ITPK1: variants seen among roughly 807,000 people sequenced by gnomAD.
ITPK1 encodes the protein inositol 1,3,4-trisphosphate 5/6-kinase.
ITPK1 carries 21 observed loss-of-function variants against 45.3 expected under a neutral mutation model. The observed-to-expected ratio is 0.46, with a 90% CI of 0.33 to 0.67. The LOEUF (loss-of-function observed/expected upper bound fraction) is 0.67. Among genes scored for constraint, ITPK1 ranks in the 30% least tolerant of loss-of-function variants. ITPK1 has a pLI of 0.02. For missense variants in ITPK1, 474 were observed against 573.5 expected (o/e 0.83, Z 1.77); for synonymous variants, 258 against 253.6 (o/e 1.02, Z -0.16).
chr14:92,967,336 G>T (rs1268836799), intron 5 of ITPK1, among the ~76,000 whole-genome samples: 2 of 152,116 alleles, frequency 1.3e-5, no homozygotes, highest in African/African-American at 4.8e-5. Context: ...TAGCCATCGG[G>T]GAAATGCAAA....
intron 4 of ITPK1, among the ~76,000 whole-genome samples, chr14:92,996,590 A>G (rs1363154317): frequency 2.0e-5 from 3 of 151,864 alleles, no homozygotes; most frequent in Non-Finnish European, 4.4e-5. Flanking sequence ...AAAAAAAAAA[A>G]GGTCATCCAC....
intron 2 of ITPK1, among the ~76,000 whole-genome samples, chr14:93,080,823 G>A (rs535463441): frequency 1.1e-4 from 17 of 151,884 alleles, no homozygotes; most frequent in African/African-American, 4.1e-4. Context: ...TGCAACCTCC[G>A]CCTCCTGGGT....
chr14:93,088,341 G>GTTTGT (rs1891732521), intron 2 of ITPK1, among the ~76,000 whole-genome samples: 1 of 132,722 alleles, frequency 7.5e-6, no homozygotes, highest in African/African-American at 2.8e-5. Context: ...GTTTTGTTTT[G>GTTTGT]TTTTTTTTTT....
intron 2 of ITPK1, among the ~76,000 whole-genome samples, chr14:93,094,053 C>T (rs915650132): frequency 5.3e-5 from 8 of 152,220 alleles, no homozygotes; most frequent in African/African-American, 1.4e-4. Flanking sequence ...CCACCGCTCC[C>T]GGGAGAAGGG....
At chr14:93,091,775 T>C (rs1891875504) in intron 2 of ITPK1, among the ~76,000 whole-genome samples, 1 of 152,166 alleles carries the variant, frequency 6.6e-6, no homozygotes, top group Admixed American at 6.5e-5. Context: ...CCAGGAGCCA[T>C]GCAGCTAGTC....
In ITPK1 at chr14:93,011,657, G is replaced by C. The variant is rs145279587; in HGVS notation, c.246+5019C>G. 7.0e-3 allele frequency among the ~76,000 whole-genome samples: 1,069 copies of C among 152,272 alleles called. 5 individuals carry two copies. Among genetic ancestry groups the C allele is most frequent in the Middle Eastern group, 0.02 (6 of 294 alleles). ...GAGGCCAGCCTTCATGGCAGCGGAGGGAGGGGATGCTCAGGACCACATGCA... is the reference window on the plus strand; with the variant it reads ...GAGGCCAGCCTTCATGGCAGCGGAGCGAGGGGATGCTCAGGACCACATGCA... On this transcript the variant is annotated intron_variant, in intron 4 of 10. Coordinates refer to ENST00000267615, the MANE Select transcript of ITPK1 (RefSeq NM_014216.6).
Position 93,076,449 on chromosome 14 carries a change from T to C in ITPK1, c.120+146A>G, listed in dbSNP as rs1412728767. 10 of 903,716 alleles carry C rather than the reference T, an allele frequency of 1.1e-5. No homozygotes were observed. In the East Asian group the frequency reaches 2.3e-4, roughly 21 times the overall value. 56.0% of individuals were successfully genotyped at this position (903,716 alleles called of 1,614,324 possible). A position where few individuals can be genotyped will look rare whatever the true frequency, so the allele number is the denominator to read the frequency against. ...TGCCCAGGCCAGGGCAGAAACCACATCAAATCCACAGGGGAGCTAAAAACA... is the reference window on the plus strand; with the variant it reads ...TGCCCAGGCCAGGGCAGAAACCACACCAAATCCACAGGGGAGCTAAAAACA... On this transcript the variant is annotated intron_variant, in intron 3 of 10. Transcript: ENST00000267615. The surrounding 1 kb of genome is among the most constrained non-coding windows in gnomAD (Gnocchi z 4.3).
rs1237797055 is a variant in ITPK1, at chr14:92,940,699, C to G, written c.*862G>C. The G allele has an allele frequency of 7.8e-7, 1 of 1,286,330 alleles. No individual in the cohort carries two copies. The highest frequency in any genetic ancestry group is 5.5e-5 in the East Asian group (1 of 18,040). 79.7% of individuals were successfully genotyped at this position (1,286,330 alleles called of 1,614,324 possible). A position where few individuals can be genotyped will look rare whatever the true frequency, so the allele number is the denominator to read the frequency against. ...CCAGCCCTGTGGTGCTCTCTGATCT[C>G]AAATGTCCACTAGAGACAAGGGGGT... On this transcript the variant is annotated 3_prime_UTR_variant, in exon 11 of 11. Coordinates refer to ENST00000267615, the MANE Select transcript of ITPK1 (RefSeq NM_014216.6).
intron 3 of ITPK1, among the ~76,000 whole-genome samples, chr14:93,056,566 T>C (rs1474345652): frequency 2.0e-5 from 3 of 152,112 alleles, no homozygotes; most frequent in African/African-American, 7.2e-5. Context: ...AGGGGTGCAG[T>C]GATGTTGAAG....
chr14:93,067,615 G>C (rs1346384647), intron 3 of ITPK1: 1 of 152,082 alleles, frequency 6.6e-6, no homozygotes, highest in Non-Finnish European at 1.5e-5. Context: ...ACCACTCAGA[G>C]TATGACGACA....
intron 5 of ITPK1, among the ~76,000 whole-genome samples, chr14:92,974,236 G>A (rs953412647): frequency 2.6e-5 from 4 of 152,190 alleles, no homozygotes; most frequent in Non-Finnish European, 5.9e-5. Context: ...GGATTTGGGC[G>A]CTTCCGAAAG....
At chr14:93,046,597 G>C (rs912331663) in intron 3 of ITPK1, among the ~76,000 whole-genome samples, 33 of 150,420 alleles carry the variant, frequency 2.2e-4, no homozygotes, top group Non-Finnish European at 4.4e-4. Context: ...CCGGGGGCGG[G>C]GGGGGGCGGC....
intron 3 of ITPK1, among the ~76,000 whole-genome samples, chr14:93,048,488 C>T (rs1274329362): frequency 6.6e-6 from 1 of 152,208 alleles, no homozygotes; most frequent in East Asian, 1.9e-4. Flanking sequence ...ACCCATACTC[C>T]TTTCAAGTTT....
chr14:93,100,521 C>T (rs1411039201), intron 2 of ITPK1, among the ~76,000 whole-genome samples: 5 of 131,888 alleles, frequency 3.8e-5, no homozygotes, highest in African/African-American at 1.4e-4. Context: ...GGGAGGGGGC[C>T]GGGGGGAGAG....
intron 5 of ITPK1, among the ~76,000 whole-genome samples, chr14:92,969,387 TG>T (rs1422928762): frequency 3.8e-5 from 2 of 52,128 alleles, no homozygotes; most frequent in South Asian, 5.9e-4. Flanking sequence ...TTCCAAAGAC[TG>T]GGGGGGTGGG....
intron 3 of ITPK1, among the ~76,000 whole-genome samples, chr14:93,075,515 A>T (rs934090583): frequency 1.3e-5 from 2 of 151,986 alleles, no homozygotes; most frequent in Non-Finnish European, 2.9e-5. Flanking sequence ...TCAACCCACA[A>T]ACTACCAGGA....
chr14:93,079,480 C>T (rs572844554), intron 2 of ITPK1, among the ~76,000 whole-genome samples: 1 of 152,330 alleles, frequency 6.6e-6, no homozygotes, highest in East Asian at 1.9e-4. Flanking sequence ...TCTCCCCACA[C>T]CCACGTGTTC....
intron 3 of ITPK1, among the ~76,000 whole-genome samples, chr14:93,060,843 T>C (rs1018512258): frequency 1.3e-5 from 2 of 152,308 alleles, no homozygotes; most frequent in Middle Eastern, 3.4e-3. Flanking sequence ...AGTTTCCTCA[T>C]CTGCAAAATA....
At chr14:93,085,783 C>T (rs559195407) in intron 2 of ITPK1, among the ~76,000 whole-genome samples, 24 of 152,344 alleles carry the variant, frequency 1.6e-4, no homozygotes, top group African/African-American at 4.1e-4. Context: ...TCGACATCCC[C>T]GCTTTTTAGT....
Sources: gnomAD v4.1 joint callset for allele counts (sites outside exome capture counted in the v4.1 genomes callset) on GRCh38, gnomAD v4.1.1 for gene constraint, Gnocchi (gnomAD v3.1) non-coding constraint, MANE v1.5 for transcripts, NCBI Gene and HGNC (gene_info 2026-07-23, HGNC 2026-07-21) for gene names.